The following DDB1 variants were observed in gnomAD, a reference collection of about 807,000 sequenced individuals.
The protein encoded by DDB1 is DNA damage-binding protein 1.
Under a neutral mutation model 133.1 loss-of-function variants are expected in DDB1, and 18 were observed. That is an observed-to-expected ratio of 0.14 (90% CI 0.09 to 0.20). The LOEUF (loss-of-function observed/expected upper bound fraction) is 0.20, where lower values mean the gene tolerates loss of function less well. Ranked by LOEUF, DDB1 falls within the 10% of genes least tolerant of loss-of-function variation. DDB1 has a pLI of 1.00. For missense variants in DDB1, 828 were observed against 1,459.2 expected, an observed-to-expected ratio of 0.57 and a Z score of 7.05; for synonymous variants, 580 against 550.5, an observed-to-expected ratio of 1.05 and a Z score of -0.75.
At chr11:61,331,416 C>G in intron 2 of DDB1, 127 bp downstream of exon 2, 1 of 1,325,832 alleles carries the variant, frequency 7.5e-7, no homozygotes, top group South Asian at 1.5e-5. Context: ...CTCAGGAGTT[C>G]AAGACATCCT....
intron 12 of DDB1, chr11:61,314,737 C>A: frequency 2.9e-6 from 1 of 340,676 alleles, no homozygotes; most frequent in Non-Finnish European, 5.3e-6. Flanking sequence ...CTATTTCATT[C>A]TAATTGAGAC....
intron 22 of DDB1, 82 bp from the exon 23 acceptor site, chr11:61,303,237 T>C: frequency 7.6e-7 from 1 of 1,313,844 alleles, no homozygotes; most frequent in Non-Finnish European, 1.1e-6. Context: ...TTTCCTTTAT[T>C]CAGGAGCAAG....
chr11:61,303,720 A>C lies in DDB1; in HGVS notation c.2832+145T>G, dbSNP rs1241553400. The C allele has an allele frequency of 3.5e-5, 33 of 943,130 alleles. No individual in the cohort carries two copies. The East Asian group carries it at 6.6e-4, about 19-fold the overall frequency. The allele number at this position is 943,130 out of a possible 1,614,324, so 58.4% of individuals were successfully genotyped here. A position where few individuals can be genotyped will look rare whatever the true frequency, so the allele number is the denominator to read the frequency against. Reference sequence around the variant, plus strand: ...CGTCTCAAAAAAAAAAAAAAAAAAAAAAAACTTAATCAATGTAGAATGTCT... The same window carrying C: ...CGTCTCAAAAAAAAAAAAAAAAAAACAAAACTTAATCAATGTAGAATGTCT... On this transcript the variant is annotated intron_variant, in intron 22 of 26. Transcript: ENST00000301764.
intron 10 of DDB1, among the ~76,000 whole-genome samples, chr11:61,317,010 C>A (rs1856096951): frequency 2.9e-5 from 3 of 102,306 alleles, no homozygotes; most frequent in Admixed American, 1.2e-4. Context: ...GACATGGCAG[C>A]CTGACACCAC....
chr11:61,330,182 C>T lies in DDB1; in HGVS notation c.211-108G>A, dbSNP rs1856343568. 11 of 832,598 alleles carry T rather than the reference C, an allele frequency of 1.3e-5. No homozygotes were observed. The East Asian group carries it at 2.8e-4, about 21-fold the overall frequency. 51.6% of individuals were successfully genotyped at this position (832,598 alleles called of 1,614,324 possible). ...TTAAGAATTTTCCAAATTCTTCTCT[C>T]CCTAAAGAGAAAATACATGGTGAGC... On this transcript the variant is annotated intron_variant, in intron 2 of 26. Transcript: ENST00000301764.
chr11:61,316,150 G>C (rs1856061894), intron 12 of DDB1, 135 bp downstream of exon 12: 1 of 750,024 alleles, frequency 1.3e-6, no homozygotes, highest in East Asian at 2.5e-5. Flanking sequence ...TGGATTATCT[G>C]TAATTTTTTC....
intron 21 of DDB1, 122 bp from the exon 22 acceptor site, chr11:61,304,157 G>A (rs1476172885): frequency 3.1e-6 from 3 of 953,182 alleles, no homozygotes; most frequent in African/African-American, 1.6e-5. Flanking sequence ...GACAGGAAAC[G>A]GTTTTATGAG....
At chr11:61,322,473 A>G in intron 8 of DDB1, 61 bp from the exon 9 acceptor site, 1 of 1,254,434 alleles carries the variant, frequency 8.0e-7, no homozygotes, top group Non-Finnish European at 1.2e-6. Flanking sequence ...CACCCAAAAG[A>G]GATGGTTATT....
At chr11:61,322,436 G>A in intron 8 of DDB1, 24 bp from the exon 9 acceptor site, 1 of 1,582,214 alleles carries the variant, frequency 6.3e-7, no homozygotes, top group Non-Finnish European at 8.7e-7. Flanking sequence ...ACAATGTTAT[G>A]TTAGTCCTAG....
chr11:61,326,373 C>A (rs1856270386), intron 5 of DDB1: 1 of 269,222 alleles, frequency 3.7e-6, no homozygotes, highest in South Asian at 3.6e-5. Flanking sequence ...CCAGGCTGAA[C>A]TCAAACTCCT....
At chr11:61,325,543 A>G (rs1324240133) in intron 6 of DDB1, 68 bp downstream of exon 6, 1 of 1,320,440 alleles carries the variant, frequency 7.6e-7, no homozygotes, top group African/African-American at 1.5e-5. Context: ...TAAATAAGAG[A>G]AAGGGAGGAG....
chr11:61,319,579 G>A (rs368532283), intron 10 of DDB1, among the ~76,000 whole-genome samples: 1 of 151,786 alleles, frequency 6.6e-6, no homozygotes, highest in African/African-American at 2.4e-5. Flanking sequence ...CTACAGGCAC[G>A]CGCCACCACC....
At chr11:61,320,847 C>T (rs112346854) in intron 10 of DDB1, among the ~76,000 whole-genome samples, 350 of 151,958 alleles carry the variant, frequency 2.3e-3, no homozygotes, top group Non-Finnish European at 4.1e-3. Flanking sequence ...TTTTAGGTTA[C>T]GCTTATACAT....
intron 4 of DDB1, among the ~76,000 whole-genome samples, chr11:61,328,658 G>A (rs1856309306): frequency 6.6e-6 from 1 of 152,218 alleles, no homozygotes. Context: ...GGATCATGAG[G>A]TCATGAGTTT....
Position 61,302,595 on chromosome 11 carries a change from G to T in DDB1, c.3099C>A (p.Val1033=). The part of the protein sequence containing the change: ...PTQGSVLFGT[V]NGMIGLVTSL... The stretch of plus-strand genomic sequence containing the variant: ...GGGTGACCTTACCTATCATGCCGTT[G>T]ACCGTGCCGAAGAGCACCGAGCCTT... The change falls in exon 24 of 27, where the codon GTC becomes GTA. Residue 1033 remains valine (V), a synonymous_variant. Transcript: ENST00000301764. 1 of 1,614,180 alleles carries T rather than the reference G, an allele frequency of 6.2e-7. No homozygotes were observed. The highest frequency in any genetic ancestry group is 1.1e-5 in the South Asian group (1 of 91,060).
At position 61,316,356 on chromosome 11, in the gene DDB1, C is replaced by T; in HGVS notation, c.1339G>A (p.Glu447Lys). The change falls in exon 12 of 27, where the codon GAA (glutamate) becomes AAA (lysine). Residue 447 changes from glutamate to lysine, a missense_variant. Transcript: ENST00000301764. The stretch of plus-strand genomic sequence containing the variant: ...TGATCATCCACGAAACCCATCAGTT[C>T]GGTTTCTTCTACCTCCTCTCCATTT... ...MLNGEEVEET[E>K]LMGFVDDQQT... 5 of 1,614,180 alleles carry T rather than the reference C, an allele frequency of 3.1e-6. No homozygotes were observed. The highest frequency in any genetic ancestry group is 3.4e-6 in the Non-Finnish European group (4 of 1,180,034).
chr11:61,332,762 G>C (rs1856421876), intron 1 of DDB1, 146 bp downstream of exon 1: 1 of 633,702 alleles, frequency 1.6e-6, no homozygotes. Flanking sequence ...CGAGGTCGCG[G>C]TGCTGGGGGA....
At chr11:61,314,560 T>C (rs775467467) in intron 12 of DDB1, 74 bp from the exon 13 acceptor site, 3 of 1,458,302 alleles carry the variant, frequency 2.1e-6, no homozygotes, top group Non-Finnish European at 2.8e-6. Flanking sequence ...AGGTGGTAAA[T>C]GCAGCCCTAA....
chr11:61,324,480 T>C (rs958904974), intron 6 of DDB1: 2 of 216,628 alleles, frequency 9.2e-6, no homozygotes. Context: ...TTATTCTTAA[T>C]ACCACTAATT....
Sources: gnomAD v4.1 joint callset for allele counts (sites outside exome capture counted in the v4.1 genomes callset) on GRCh38, gnomAD v4.1.1 for gene constraint, MANE v1.5 for transcripts, NCBI Gene and HGNC (gene_info 2026-07-23, HGNC 2026-07-21) for gene names.